Variants in SLFN5 observed in about 807,000 individuals in gnomAD.
SLFN5 encodes the protein schlafen family member 5.
In SLFN5, 34 loss-of-function variants were observed where a neutral mutation model predicts 48.5. The observed-to-expected ratio is 0.70, with a 90% CI of 0.53 to 0.93. SLFN5 has a LOEUF of 0.93. SLFN5 is among the 40% of genes least tolerant of loss of function. The probability of loss-of-function intolerance (pLI) is 0.00; values close to 1 mark genes in which losing one functional copy is unlikely to be tolerated. For synonymous variants in SLFN5, 387 were observed against 396.2 expected, an observed-to-expected ratio of 0.98 and a Z score of 0.28; for missense variants, 1,006 against 1,071.3, an observed-to-expected ratio of 0.94 and a Z score of 0.85.
chr17:35,266,006 G>A lies in SLFN5; in HGVS notation c.*118G>A. The stretch of plus-strand genomic sequence containing the variant: ...TATTAAGTCACATACTTTTCTAGGT[G>A]CTGGGGATTGAGAACGAATCGATGT... On this transcript the variant is annotated 3_prime_UTR_variant, in exon 5 of 5. Coordinates refer to ENST00000299977, the MANE Select transcript of SLFN5 (RefSeq NM_144975.4). 1 of 1,100,458 alleles carries A rather than the reference G, an allele frequency of 9.1e-7. No individual in the cohort carries two copies. 68.2% of individuals were successfully genotyped at this position (1,100,458 alleles called of 1,614,324 possible). A position where few individuals can be genotyped will look rare whatever the true frequency, so the allele number is the denominator to read the frequency against.
chr17:35,254,203 T>C (rs775370852), intron 1 of SLFN5, among the ~76,000 whole-genome samples: 19 of 152,228 alleles, frequency 1.2e-4, no homozygotes, highest in Admixed American at 2.6e-4. Flanking sequence ...CTTATATTTG[T>C]ATTTGTCTGT....
intron 1 of SLFN5, among the ~76,000 whole-genome samples, chr17:35,251,813 A>C (rs879639663): frequency 2.7e-5 from 4 of 148,168 alleles, no homozygotes; most frequent in Admixed American, 1.4e-4. Flanking sequence ...TCCTAGGTTC[A>C]AGCGATTCTC....
Position 35,272,893 on chromosome 17 carries a change from C to A in SLFN5, c.*7005C>A, listed in dbSNP as rs1354363307. 2 of 152,188 alleles carry A rather than the reference C, an allele frequency of 1.3e-5. No homozygotes were observed. The highest frequency in any genetic ancestry group is 4.8e-5 in the African/African-American group (2 of 41,442). The allele number at this position is 152,188 out of a possible 1,614,324, so 9.4% of individuals were successfully genotyped here. A position where few individuals can be genotyped will look rare whatever the true frequency, so the allele number is the denominator to read the frequency against. On this transcript the variant is annotated 3_prime_UTR_variant, in exon 5 of 5. Transcript: ENST00000299977. Reference sequence around the variant, plus strand: ...AAATTGGTACATCTTCTACTGAGAACAATCCGGCAGTAGTTAACAAAATTG... The same window carrying A: ...AAATTGGTACATCTTCTACTGAGAAAAATCCGGCAGTAGTTAACAAAATTG...
In SLFN5 at chr17:35,272,879, T is replaced by C. The variant is rs1353125854; in HGVS notation, c.*6991T>C. On this transcript the variant is annotated 3_prime_UTR_variant, in exon 5 of 5. Coordinates refer to ENST00000299977, the MANE Select transcript of SLFN5 (RefSeq NM_144975.4). ...CCATGCATTGCTGTAAATTGGTACA[T>C]CTTCTACTGAGAACAATCCGGCAGT... The C allele has an allele frequency of 6.6e-6, 1 of 152,216 alleles. No individual in the cohort carries two copies. The highest frequency in any genetic ancestry group is 1.9e-4 in the East Asian group (1 of 5,200). The allele number at this position is 152,216 out of a possible 1,614,324, so 9.4% of individuals were successfully genotyped here. A position where few individuals can be genotyped will look rare whatever the true frequency, so the allele number is the denominator to read the frequency against.
chr17:35,258,737 T>C lies in SLFN5; in HGVS notation c.47T>C (p.Val16Ala). 6.2e-7 allele frequency: 1 copy of C among 1,614,074 alleles called. No individual in the cohort carries two copies. The highest frequency in any genetic ancestry group is 8.5e-7 in the Non-Finnish European group (1 of 1,180,020). ...GATACAAACTTTCCTGAGTGTGTTGTAGATGCAGGAAAAGTCACCCTTGGG... is the reference window on the plus strand; with the variant it reads ...GATACAAACTTTCCTGAGTGTGTTGCAGATGCAGGAAAAGTCACCCTTGGG... ...DVDTNFPECV[V>A]DAGKVTLGTQ... Residue 16 changes from valine to alanine, a missense_variant, in exon 2 of 5, where the codon GTA becomes GCA. Transcript: ENST00000299977.
At chr17:35,251,723 T>C (rs943174475) in intron 1 of SLFN5, among the ~76,000 whole-genome samples, 1 of 147,850 alleles carries the variant, frequency 6.8e-6, no homozygotes, top group Non-Finnish European at 1.5e-5. Context: ...TTTTTTTTTT[T>C]TTTTTTTAAA....
At chr17:35,246,462 C>T (rs930379525) in intron 1 of SLFN5, among the ~76,000 whole-genome samples, 1 of 152,106 alleles carries the variant, frequency 6.6e-6, no homozygotes, top group Non-Finnish European at 1.5e-5. Flanking sequence ...CTCCTGTTGC[C>T]CCCTCCTCTG....
intron 1 of SLFN5, among the ~76,000 whole-genome samples, chr17:35,248,326 T>C (rs942770023): frequency 6.6e-6 from 1 of 152,192 alleles, no homozygotes; most frequent in African/African-American, 2.4e-5. Flanking sequence ...GGCAGAGGCC[T>C]CCAAATGAAA....
chr17:35,256,412 A>G (rs769536437), intron 1 of SLFN5, among the ~76,000 whole-genome samples: 12 of 152,338 alleles, frequency 7.9e-5, no homozygotes, highest in Non-Finnish European at 1.8e-4. Flanking sequence ...GTCATTTTCC[A>G]TATTGAGAAT....
chr17:35,249,176 C>G (rs1053604911), intron 1 of SLFN5, among the ~76,000 whole-genome samples: 9 of 152,118 alleles, frequency 5.9e-5, no homozygotes, highest in Non-Finnish European at 1.0e-4. Context: ...AAATTGGAGA[C>G]TTAATTCTAA....
At chr17:35,254,266 A>G (rs1286188718) in intron 1 of SLFN5, among the ~76,000 whole-genome samples, 1 of 152,126 alleles carries the variant, frequency 6.6e-6, no homozygotes, top group African/African-American at 2.4e-5. Flanking sequence ...CTCTCAGTTT[A>G]CTAAGTGATC....
At chr17:35,255,918 TATG>T (rs2092452999) in intron 1 of SLFN5, among the ~76,000 whole-genome samples, 1 of 152,246 alleles carries the variant, frequency 6.6e-6, no homozygotes, top group African/African-American at 2.4e-5. Flanking sequence ...TACTTTTCTT[TATG>T]ATATTACTAC....
chr17:35,258,534 A>G (rs537790695), intron 1 of SLFN5, 117 bp from the exon 2 acceptor site: 116 of 784,784 alleles, frequency 1.5e-4, no homozygotes, highest in Non-Finnish European at 2.1e-4. Flanking sequence ...GGACACAGTC[A>G]AATCATATCA....
chr17:35,253,820 C>T (rs112400951), intron 1 of SLFN5, among the ~76,000 whole-genome samples: 14,726 of 151,512 alleles, frequency 0.097, 864 homozygotes, highest in East Asian at 0.24. Context: ...GCCTCAGCCT[C>T]CTGAGTAGCT....
Position 35,265,126 on chromosome 17 carries a change from CA to C in SLFN5, c.1916del (p.Asn639ThrfsTer53). ...PVTRKTFMKNNFEHIQHIIID... is the reference protein window; with the variant it reads ...PVTRKTFMKNXFEHIQHIIID... ...TGACCCGGAAAACCTTCATGAAAAA[CA>C]ACTTTGAACACATCCAGCACATTAT... On this transcript the variant is annotated frameshift_variant, in exon 5 of 5. Coordinates refer to ENST00000299977, the MANE Select transcript of SLFN5 (RefSeq NM_144975.4). LOFTEE classifies it low-confidence loss of function (END_TRUNC). 1 of 1,613,562 alleles carries C rather than the reference CA, an allele frequency of 6.2e-7. No homozygotes were observed. Among genetic ancestry groups the C allele is most frequent in the Non-Finnish European group, 8.5e-7 (1 of 1,179,882 alleles).
In SLFN5 at chr17:35,268,323, A is replaced by G. The variant is rs1904751886; in HGVS notation, c.*2435A>G. On this transcript the variant is annotated 3_prime_UTR_variant, in exon 5 of 5. Transcript: ENST00000299977. ...CATTAGAAAGATAAGTGTTCTGATC[A>G]TTAGGCGAAAGACAATGGGGAAAAA... The G allele has an allele frequency of 6.6e-6, 1 of 152,304 alleles. No individual in the cohort carries two copies. The highest frequency in any genetic ancestry group is 1.5e-5 in the Non-Finnish European group (1 of 68,078). The allele number at this position is 152,304 out of a possible 1,614,324, so 9.4% of individuals were successfully genotyped here.
At chr17:35,249,038 A>G (rs573454198) in intron 1 of SLFN5, among the ~76,000 whole-genome samples, 1 of 152,358 alleles carries the variant, frequency 6.6e-6, no homozygotes, top group East Asian at 1.9e-4. Context: ...CCATTGGACC[A>G]TGCAAACAAA....
At chr17:35,244,006 T>C (rs1273126244) in intron 1 of SLFN5, among the ~76,000 whole-genome samples, 1 of 152,186 alleles carries the variant, frequency 6.6e-6, no homozygotes, top group African/African-American at 2.4e-5. Context: ...GAAAAGTCTT[T>C]CTTCGTCTCA....
chr17:35,251,922 C>T (rs1416496724), intron 1 of SLFN5, among the ~76,000 whole-genome samples: 1 of 151,982 alleles, frequency 6.6e-6, no homozygotes, highest in East Asian at 1.9e-4. Flanking sequence ...CCATGTTGGC[C>T]AGGCTGGTCT....
Sources: allele counts gnomAD v4.1 joint callset (sites outside exome capture counted in the v4.1 genomes callset), GRCh38; gene constraint gnomAD v4.1.1; transcripts MANE v1.5; gene names NCBI Gene and HGNC (gene_info 2026-07-23, HGNC 2026-07-21).